GABRB1: variants seen among roughly 807,000 people sequenced by gnomAD.
GABRB1 encodes gamma-aminobutyric acid type A receptor subunit beta1.
GABRB1 carries 17 observed loss-of-function variants against 51.6 expected under a neutral mutation model. The observed-to-expected ratio is 0.33, with a 90% confidence interval of 0.23 to 0.49. GABRB1 has a LOEUF of 0.49. Ranked by LOEUF, GABRB1 falls within the 20% of genes least tolerant of loss-of-function variation. The pLI, the probability that GABRB1 is intolerant of heterozygous loss-of-function variation, is 0.99. For missense variants in GABRB1, 410 were observed against 600.6 expected (o/e 0.68, Z 3.32); for synonymous variants, 247 against 218.9 (o/e 1.13, Z -1.14).
chr4:47,366,782 G>A (rs1343363985), intron 5 of GABRB1, among the ~76,000 whole-genome samples: 2 of 152,126 alleles, frequency 1.3e-5, no homozygotes, highest in Non-Finnish European at 2.9e-5. Context: ...CCATTATGAT[G>A]AAAAGTTGCA....
At chr4:47,323,164 T>C (rs1276722028) in intron 5 of GABRB1, among the ~76,000 whole-genome samples, 2 of 152,148 alleles carry the variant, frequency 1.3e-5, no homozygotes, top group Admixed American at 6.5e-5. Flanking sequence ...GTCAAACAAT[T>C]GCAGCTACAG....
chr4:47,127,943 G>A lies in GABRB1; in HGVS notation c.241-33306G>A, dbSNP rs868549255. 2.0e-5 allele frequency among the ~76,000 whole-genome samples: 3 copies of A among 151,142 alleles called. No individual in the cohort carries two copies. The South Asian group carries it at 6.3e-4, about 32-fold the overall frequency. ...ATTTAACTAAATTAAAGCAGGAAAA[G>A]GAGAAAAATAAACAAAAAAAGAGAA... On this transcript the variant is annotated intron_variant, in intron 3 of 8. Coordinates refer to ENST00000295454, the MANE Select transcript of GABRB1 (RefSeq NM_000812.4).
intron 4 of GABRB1, among the ~76,000 whole-genome samples, chr4:47,304,537 C>G (rs1724378157): frequency 6.6e-6 from 1 of 151,962 alleles, no homozygotes; most frequent in South Asian, 2.1e-4. Context: ...ATATTAACCC[C>G]TTGTCAGATG....
intron 1 of GABRB1, among the ~76,000 whole-genome samples, chr4:47,022,613 C>A (rs970347973): frequency 6.6e-6 from 1 of 151,874 alleles, no homozygotes; most frequent in Non-Finnish European, 1.5e-5. Context: ...TCATCTCGCC[C>A]CAGTTAAAAT....
chr4:47,238,269 G>A (rs1721399553), intron 4 of GABRB1, among the ~76,000 whole-genome samples: 1 of 151,980 alleles, frequency 6.6e-6, no homozygotes, highest in Non-Finnish European at 1.5e-5. Context: ...AGAGAAAACT[G>A]TGATTAACAT....
chr4:47,262,824 A>G (rs1236883657), intron 4 of GABRB1, among the ~76,000 whole-genome samples: 1 of 152,110 alleles, frequency 6.6e-6, no homozygotes, highest in Non-Finnish European at 1.5e-5. Flanking sequence ...CTGGATTAAG[A>G]AAATGTGGCA....
In GABRB1 at chr4:47,141,840, C is replaced by T. The variant is rs1271746030; in HGVS notation, c.241-19409C>T. Among the ~76,000 whole-genome samples the T allele has an allele frequency of 3.3e-5, 5 of 151,936 alleles. No individual in the cohort carries two copies. The South Asian group carries it at 6.2e-4, about 19-fold the overall frequency. On this transcript the variant is annotated intron_variant, in intron 3 of 8. Transcript: ENST00000295454. ...TTCAAGAATTTGTGTTAACAAGTGC[C>T]TAGCCCTGTAAAGATAGCTCTGGGC...
chr4:47,092,308 G>T (rs1728342289), intron 3 of GABRB1, among the ~76,000 whole-genome samples: 1 of 150,618 alleles, frequency 6.6e-6, no homozygotes, highest in Non-Finnish European at 1.5e-5. Flanking sequence ...AAATAGCTGG[G>T]ATTACAGGCA....
At chr4:47,154,257 G>GTTTTTTT (rs66516518) in intron 3 of GABRB1, among the ~76,000 whole-genome samples, 12 of 137,422 alleles carry the variant, frequency 8.7e-5, no homozygotes, top group East Asian at 2.1e-4. Flanking sequence ...AATTATGGTT[G>GTTTTTTT]TTTTTTTTTT....
At chr4:47,381,273 C>G (rs1727587387) in intron 5 of GABRB1, among the ~76,000 whole-genome samples, 1 of 152,140 alleles carries the variant, frequency 6.6e-6, no homozygotes, top group African/African-American at 2.4e-5. Flanking sequence ...GGGCTCACCA[C>G]AAGCAGGATC....
chr4:47,325,576 T>C (rs1449013767), intron 5 of GABRB1, among the ~76,000 whole-genome samples: 1 of 152,214 alleles, frequency 6.6e-6, no homozygotes, highest in Non-Finnish European at 1.5e-5. Flanking sequence ...CATTTTCCTC[T>C]TGCTTACTGT....
chr4:47,107,876 T>C (rs1344097809), intron 3 of GABRB1, among the ~76,000 whole-genome samples: 2 of 152,074 alleles, frequency 1.3e-5, no homozygotes, highest in Non-Finnish European at 2.9e-5. Context: ...TTAGATAGTA[T>C]CACTTAATCT....
intron 4 of GABRB1, among the ~76,000 whole-genome samples, chr4:47,284,054 C>T (rs1365182310): frequency 6.8e-6 from 1 of 146,306 alleles, no homozygotes; most frequent in Non-Finnish European, 1.5e-5. Context: ...GCCGGGTCAG[C>T]GCCACTGCAC....
At chr4:47,403,110 T>C (rs1264152736) in intron 5 of GABRB1, among the ~76,000 whole-genome samples, 1 of 152,084 alleles carries the variant, frequency 6.6e-6, no homozygotes, top group Non-Finnish European at 1.5e-5. Context: ...AGAGCTTAAG[T>C]CCAGTAAAGC....
intron 3 of GABRB1, among the ~76,000 whole-genome samples, chr4:47,150,679 GA>G (rs1421344530): frequency 6.6e-6 from 1 of 151,596 alleles, no homozygotes; most frequent in Non-Finnish European, 1.5e-5. Context: ...TTATAAGCAT[GA>G]GCAAAAATAC....
At chr4:47,138,244 T>A (rs1716762381) in intron 3 of GABRB1, among the ~76,000 whole-genome samples, 1 of 152,044 alleles carries the variant, frequency 6.6e-6, no homozygotes, top group South Asian at 2.1e-4. Flanking sequence ...GGAGAGTATG[T>A]TTATTAACCT....
intron 3 of GABRB1, among the ~76,000 whole-genome samples, chr4:47,136,251 G>A (rs1406813251): frequency 2.0e-5 from 3 of 152,014 alleles, no homozygotes; most frequent in Admixed American, 6.6e-5. Context: ...CTCTGTCTTC[G>A]AGAGTGCTGG....
intron 5 of GABRB1, among the ~76,000 whole-genome samples, chr4:47,387,034 A>G (rs560877289): frequency 6.6e-6 from 1 of 152,348 alleles, no homozygotes; most frequent in East Asian, 1.9e-4. Context: ...CAGGAATATT[A>G]CCAGGGAAAT....
At chr4:47,227,665 A>G (rs569593236) in intron 4 of GABRB1, among the ~76,000 whole-genome samples, 2 of 152,230 alleles carry the variant, frequency 1.3e-5, no homozygotes, top group South Asian at 4.2e-4. Flanking sequence ...ACCCATGGAG[A>G]CCAATAGTTA....
Sources: allele counts gnomAD v4.1 joint callset (sites outside exome capture counted in the v4.1 genomes callset), GRCh38; gene constraint gnomAD v4.1.1; transcripts MANE v1.5; gene names NCBI Gene and HGNC (gene_info 2026-07-23, HGNC 2026-07-21).